Variants in UST observed in about 807,000 individuals in gnomAD.
UST encodes chondroitin sulfate 2-O-sulfotransferase.
In UST, 21 loss-of-function variants were observed where a neutral mutation model predicts 45.6. That is an observed-to-expected ratio of 0.46 (90% CI 0.33 to 0.66). The LOEUF (loss-of-function observed/expected upper bound fraction) is 0.66. UST is among the 30% of genes least tolerant of loss of function. The pLI is 0.02. For synonymous variants in UST, 215 were observed against 200.6 expected (o/e 1.07, Z -0.61); for missense variants, 463 against 512.4 (o/e 0.90, Z 0.93).
intron 7 of UST, among the ~76,000 whole-genome samples, chr6:149,057,492 G>T (rs1360683255): frequency 2.6e-5 from 4 of 152,194 alleles, no homozygotes; most frequent in Admixed American, 2.6e-4. Context: ...GACCTTATCA[G>T]CTATAAGAAG....
intron 1 of UST, among the ~76,000 whole-genome samples, chr6:148,750,008 T>A (rs1355147874): frequency 6.6e-6 from 1 of 152,234 alleles, no homozygotes; most frequent in African/African-American, 2.4e-5. Context: ...CCACTGTGTC[T>A]GCAGAATTAC....
intron 5 of UST, among the ~76,000 whole-genome samples, chr6:148,979,952 G>T (rs768452512): frequency 2.0e-5 from 3 of 152,102 alleles, no homozygotes; most frequent in Non-Finnish European, 4.4e-5. Context: ...CAAAGCCCAG[G>T]TGTTAAAGCT....
intron 5 of UST, among the ~76,000 whole-genome samples, chr6:149,005,836 T>C (rs1380362962): frequency 7.9e-5 from 12 of 152,110 alleles, no homozygotes; most frequent in Non-Finnish European, 1.5e-4. Flanking sequence ...GACTGAGGGA[T>C]GAAAGGCCCT....
intron 5 of UST, among the ~76,000 whole-genome samples, chr6:149,002,508 T>G (rs1432822397): frequency 6.6e-6 from 1 of 152,086 alleles, no homozygotes; most frequent in African/African-American, 2.4e-5. Context: ...TTTTATGTAT[T>G]TATTTATTTA....
At chr6:149,027,731 C>A (rs1410045370) in intron 7 of UST, 1 of 152,212 alleles carries the variant, frequency 6.6e-6, no homozygotes, top group Non-Finnish European at 1.5e-5. Flanking sequence ...AACTCCAACT[C>A]TCTGGTCACA....
In UST at chr6:149,043,014, T is replaced by TCTTTCTTTCTTG. The variant is rs1562337785; in HGVS notation, c.937+21541_937+21542insCTTGCTTTCTTT. On this transcript the variant is annotated intron_variant, in intron 7 of 7. Transcript: ENST00000367463. ...TTCTTTCTTTCTTTCTTTCTTTCTT[T>TCTTTCTTTCTTG]CTTTCTTTTTCTTTCTTTCTTTCTT... Among the ~76,000 whole-genome samples the TCTTTCTTTCTTG allele has an allele frequency of 8.3e-4, 63 of 76,114 alleles. 1 individual carries two copies. The highest frequency in any genetic ancestry group is 1.4e-3 in the Non-Finnish European group (47 of 34,512). The allele number at this position is 76,114 out of a possible 152,430, so 49.9% of individuals were successfully genotyped here.
chr6:149,021,661 G>A (rs1014610862), intron 7 of UST, among the ~76,000 whole-genome samples, 180 bp downstream of exon 7: 4 of 152,184 alleles, frequency 2.6e-5, no homozygotes, highest in Non-Finnish European at 4.4e-5. Context: ...AAAATCTTGA[G>A]CTTCATGTTC....
rs139859722 is a variant in UST, at chr6:148,891,199, T to C, written c.291+4170T>C. On this transcript the variant is annotated intron_variant, in intron 2 of 7. Transcript: ENST00000367463. The stretch of plus-strand genomic sequence containing the variant: ...CAGTGCCGTGGCCTCTGCAGCATCA[T>C]GTGCAGTGTCCACAGACCCGAGAAG... Among the ~76,000 whole-genome samples, 57 of 152,314 alleles carry C rather than the reference T, an allele frequency of 3.7e-4. 1 individual carries two copies. The East Asian group carries it at 9.1e-3, about 24-fold the overall frequency.
At chr6:148,758,239 TCAA>T (rs1417336556) in intron 1 of UST, among the ~76,000 whole-genome samples, 3 of 152,194 alleles carry the variant, frequency 2.0e-5, no homozygotes, top group Non-Finnish European at 4.4e-5. Flanking sequence ...CAAGGGCTCT[TCAA>T]CACCTGACAA....
At chr6:148,945,949 T>C (rs774698207) in intron 3 of UST, among the ~76,000 whole-genome samples, 1 of 151,982 alleles carries the variant, frequency 6.6e-6, no homozygotes, top group Non-Finnish European at 1.5e-5. Context: ...CCTTGAAGAG[T>C]TATATAAAGG....
At chr6:148,783,170 A>G (rs1390211708) in intron 1 of UST, among the ~76,000 whole-genome samples, 3 of 152,238 alleles carry the variant, frequency 2.0e-5, no homozygotes, top group Non-Finnish European at 4.4e-5. Context: ...ATTTTTAGCA[A>G]TTAAGCATTT....
intron 5 of UST, among the ~76,000 whole-genome samples, chr6:148,986,749 A>G (rs1045411871): frequency 6.6e-6 from 1 of 152,238 alleles, no homozygotes; most frequent in African/African-American, 2.4e-5. Flanking sequence ...CCTCCTCGGA[A>G]TCCCTGTGGA....
chr6:148,997,405 C>T (rs1264699575), intron 5 of UST, among the ~76,000 whole-genome samples: 53 of 151,864 alleles, frequency 3.5e-4, no homozygotes. Flanking sequence ...AGAACCTGAC[C>T]CACTGAAAAC....
intron 1 of UST, among the ~76,000 whole-genome samples, chr6:148,850,333 G>A (rs1778079990): frequency 6.6e-6 from 1 of 152,088 alleles, no homozygotes; most frequent in African/African-American, 2.4e-5. Flanking sequence ...ACCCCGTCTT[G>A]AAGAATTTAT....
chr6:148,748,111 C>G lies in UST; in HGVS notation c.247+434C>G, dbSNP rs1775909756. On this transcript the variant is annotated intron_variant, in intron 1 of 7. Coordinates refer to ENST00000367463, the MANE Select transcript of UST (RefSeq NM_005715.3). This position sits in a 1 kb window ranked among gnomAD's most constrained non-coding sequence, Gnocchi z 5.3. ...CGCAGTTCAGTCCCGTCCCGCGCCCCGGGGAGTGTGGGTGGGTTTAGCCCT... is the reference window on the plus strand; with the variant it reads ...CGCAGTTCAGTCCCGTCCCGCGCCCGGGGGAGTGTGGGTGGGTTTAGCCCT... Among the ~76,000 whole-genome samples the G allele has an allele frequency of 6.6e-6, 1 of 152,160 alleles. No individual in the cohort carries two copies. Among genetic ancestry groups the G allele is most frequent in the African/African-American group, 2.4e-5 (1 of 41,418 alleles).
intron 1 of UST, among the ~76,000 whole-genome samples, chr6:148,764,263 G>A (rs1235388204): frequency 6.6e-6 from 1 of 152,078 alleles, no homozygotes; most frequent in African/African-American, 2.4e-5. Context: ...TATTGTAAAT[G>A]ATATTGAGTT....
rs1021600280 is a variant in UST at position 148,973,412 on chromosome 6, A to G, written c.681+8849A>G. ...CTTGGAGTCCATTGCCATCTCTTCA[A>G]AGAGACATGTGACATTCTTTAAATG... is the stretch of plus-strand genomic sequence containing the variant. On this transcript the variant is annotated intron_variant, in intron 5 of 7. Coordinates refer to ENST00000367463, the MANE Select transcript of UST (RefSeq NM_005715.3). Among the ~76,000 whole-genome samples the G allele has an allele frequency of 3.3e-5, 5 of 152,218 alleles. No individual in the cohort carries two copies. In the South Asian group the frequency reaches 6.2e-4, roughly 19 times the overall value.
At chr6:149,017,914 A>G (rs938621586) in intron 5 of UST, among the ~76,000 whole-genome samples, 2 of 152,016 alleles carry the variant, frequency 1.3e-5, no homozygotes, top group East Asian at 1.9e-4. Context: ...TTCATACACA[A>G]TGAGATGCTC....
At chr6:148,856,998 T>C in intron 1 of UST, among the ~76,000 whole-genome samples, 1 of 149,168 alleles carries the variant, frequency 6.7e-6, no homozygotes, top group Middle Eastern at 3.6e-3. Context: ...ATATATTACT[T>C]ATATATACAT....
Sources: gnomAD v4.1 joint callset for allele counts (sites outside exome capture counted in the v4.1 genomes callset) on GRCh38, gnomAD v4.1.1 for gene constraint, Gnocchi (gnomAD v3.1) non-coding constraint, MANE v1.5 for transcripts, NCBI Gene and HGNC (gene_info 2026-07-23, HGNC 2026-07-21) for gene names.